Variants in ADAMTS16 observed in about 807,000 individuals in gnomAD.
ADAMTS16 encodes the protein ADAM metallopeptidase with thrombospondin type 1 motif 16, also known as A disintegrin and metalloproteinase with thrombospondin motifs 16.
In ADAMTS16, 94 loss-of-function variants were observed where a neutral mutation model predicts 145.8. The observed-to-expected ratio is 0.64, with a 90% CI of 0.55 to 0.77. ADAMTS16 has a LOEUF of 0.77. Among genes scored for constraint, ADAMTS16 ranks in the 30% least tolerant of loss-of-function variants. The pLI, the probability that ADAMTS16 is intolerant of heterozygous loss-of-function variation, is 0.00. For missense variants in ADAMTS16, 1,585 were observed against 1,591.5 expected (o/e 1.00, Z 0.07); for synonymous variants, 659 against 604.3 (o/e 1.09, Z -1.33).
intron 17 of ADAMTS16, among the ~76,000 whole-genome samples, chr5:5,258,561 C>A (rs77619027): frequency 6.6e-6 from 1 of 152,192 alleles, no homozygotes; most frequent in Non-Finnish European, 1.5e-5. Context: ...CCAAGGAATC[C>A]AGAGAAGCAG....
At chr5:5,220,048 C>T (rs1387279030) in intron 10 of ADAMTS16, among the ~76,000 whole-genome samples, 1 of 151,950 alleles carries the variant, frequency 6.6e-6, no homozygotes, top group African/African-American at 2.4e-5. Context: ...CACTGGTTTT[C>T]ACAGGAGCAA....
chr5:5,181,966 G>A lies in ADAMTS16; in HGVS notation c.502-78G>A. 2.1e-6 allele frequency: 3 copies of A among 1,443,770 alleles called. No homozygotes were observed. The South Asian group carries it at 4.0e-5, about 19-fold the overall frequency. 89.4% of individuals were successfully genotyped at this position (1,443,770 alleles called of 1,614,324 possible). A position where few individuals can be genotyped will look rare whatever the true frequency, so the allele number is the denominator to read the frequency against. ...TGCTTCCAAGAGAATAATAACAAAT[G>A]CAATGCTTGGAGAATCGGCCCTGGC... On this transcript the variant is annotated intron_variant, in intron 3 of 22. Coordinates refer to ENST00000274181, the MANE Select transcript of ADAMTS16 (RefSeq NM_139056.4).
chr5:5,319,033 C>A lies in ADAMTS16; in HGVS notation c.3570C>A (p.Cys1190Ter). The A allele has an allele frequency of 6.2e-7, 1 of 1,612,040 alleles. No individual in the cohort carries two copies. The change falls in exon 23 of 23, where the codon TGC (cysteine) becomes TGA (stop). Residue 1190 changes from cysteine to a stop codon, truncating the protein, a stop_gained. Transcript: ENST00000274181. LOFTEE classifies it low-confidence loss of function (END_TRUNC). ...CPIAEKKDAF[C>*]KDYFHWCYLV... ...TCTGCTCATTTTCAGATGCCTTCTG[C>A]AAAGACTACTTCCACTGGTGCTACC...
chr5:5,165,756 C>T (rs1467845526), intron 3 of ADAMTS16, among the ~76,000 whole-genome samples: 7 of 152,150 alleles, frequency 4.6e-5, no homozygotes, highest in African/African-American at 9.7e-5. Context: ...GCCATGGGGC[C>T]GCACACTGGG....
intron 8 of ADAMTS16, among the ~76,000 whole-genome samples, chr5:5,198,209 G>T (rs16875031): frequency 1.1e-4 from 17 of 152,110 alleles, no homozygotes; most frequent in Non-Finnish European, 2.1e-4. Context: ...AGGGTAGTTT[G>T]GTATTTCGTG....
intron 8 of ADAMTS16, among the ~76,000 whole-genome samples, chr5:5,192,421 C>G (rs1336724785): frequency 6.6e-6 from 1 of 152,168 alleles, no homozygotes; most frequent in East Asian, 1.9e-4. Flanking sequence ...CCATTGCTTC[C>G]TGCTGTTACC....
At chr5:5,264,190 G>T (rs1260247818) in intron 18 of ADAMTS16, among the ~76,000 whole-genome samples, 1 of 152,094 alleles carries the variant, frequency 6.6e-6, no homozygotes, top group African/African-American at 2.4e-5. Context: ...AAGAGAGCAG[G>T]CAAACAGGAA....
intron 18 of ADAMTS16, among the ~76,000 whole-genome samples, chr5:5,294,163 C>G (rs1739439429): frequency 6.6e-6 from 1 of 152,190 alleles, no homozygotes; most frequent in East Asian, 1.9e-4. Flanking sequence ...GGAGCAATCC[C>G]TGTGAAAAAT....
At chr5:5,276,043 G>C (rs1297512119) in intron 18 of ADAMTS16, among the ~76,000 whole-genome samples, 26 of 152,144 alleles carry the variant, frequency 1.7e-4, no homozygotes, top group African/African-American at 6.0e-4. Context: ...ATTTTTAGTA[G>C]AGAAGGGGTT....
intron 3 of ADAMTS16, among the ~76,000 whole-genome samples, chr5:5,169,570 G>C (rs1734993098): frequency 6.6e-6 from 1 of 152,214 alleles, no homozygotes; most frequent in Admixed American, 6.5e-5. Flanking sequence ...TGTTGCATCT[G>C]ACAGAGCCAT....
intron 18 of ADAMTS16, among the ~76,000 whole-genome samples, chr5:5,279,338 C>A (rs1738813793): frequency 6.6e-6 from 1 of 152,198 alleles, no homozygotes; most frequent in Non-Finnish European, 1.5e-5. Flanking sequence ...AGCGTAATGT[C>A]CTTGACTCCC....
intron 3 of ADAMTS16, among the ~76,000 whole-genome samples, chr5:5,158,978 T>C (rs566549312): frequency 6.6e-6 from 1 of 152,358 alleles, no homozygotes; most frequent in Admixed American, 6.5e-5. Context: ...ACAGTGACCA[T>C]CTATACTGAC....
intron 18 of ADAMTS16, among the ~76,000 whole-genome samples, chr5:5,302,361 A>G (rs1051131281): frequency 6.6e-6 from 1 of 152,256 alleles, no homozygotes. Flanking sequence ...ATAATCAGAC[A>G]TGATGAGCCT....
At position 5,186,033 on chromosome 5, in the gene ADAMTS16, T is replaced by TC. The variant is rs541026044; in HGVS notation, c.764-17dup. On this transcript the variant is annotated intron_variant, in intron 4 of 22. Coordinates refer to ENST00000274181, the MANE Select transcript of ADAMTS16 (RefSeq NM_139056.4). Reference sequence around the variant, plus strand: ...GTGTGACTTGTGCTTCCATTTGCCCTCCATGTGTCCCTCCATAGACATGCC... The same window carrying TC: ...GTGTGACTTGTGCTTCCATTTGCCCTCCCATGTGTCCCTCCATAGACATGCC... 471 of 1,600,014 alleles carry TC rather than the reference T, an allele frequency of 2.9e-4. 8 individuals carry two copies. The South Asian group carries it at 5.0e-3, about 17-fold the overall frequency.
intron 10 of ADAMTS16, among the ~76,000 whole-genome samples, chr5:5,221,088 G>A (rs1736593171): frequency 6.6e-6 from 1 of 152,010 alleles, no homozygotes; most frequent in African/African-American, 2.4e-5. Context: ...TTGCCACCCA[G>A]ACATCGAGCC....
chr5:5,174,777 A>C (rs1438511146), intron 3 of ADAMTS16, among the ~76,000 whole-genome samples: 1 of 152,156 alleles, frequency 6.6e-6, no homozygotes, highest in Non-Finnish European at 1.5e-5. Flanking sequence ...CAACTCCAGA[A>C]TTTCTTCTTG....
At chr5:5,146,568 C>A in intron 3 of ADAMTS16, 113 bp downstream of exon 3, 2 of 1,124,406 alleles carry the variant, frequency 1.8e-6, no homozygotes, top group Non-Finnish European at 2.5e-6. Context: ...TACTGCAGCG[C>A]AGATTAAGCA....
At chr5:5,253,410 C>T (rs1009961865) in intron 17 of ADAMTS16, among the ~76,000 whole-genome samples, 1 of 152,168 alleles carries the variant, frequency 6.6e-6, no homozygotes, top group African/African-American at 2.4e-5. Flanking sequence ...ACTGAATACA[C>T]TATTTAGTCT....
At chr5:5,291,211 C>T (rs936682291) in intron 18 of ADAMTS16, among the ~76,000 whole-genome samples, 1 of 151,144 alleles carries the variant, frequency 6.6e-6, no homozygotes, top group Non-Finnish European at 1.5e-5. Context: ...TTTTTTAATT[C>T]GTATTTACCA....
Sources: gnomAD v4.1 joint callset for allele counts (sites outside exome capture counted in the v4.1 genomes callset) on GRCh38, gnomAD v4.1.1 for gene constraint, MANE v1.5 for transcripts, NCBI Gene and HGNC (gene_info 2026-07-23, HGNC 2026-07-21) for gene names.